The following SARS1 variants were observed in gnomAD, a reference collection of about 807,000 sequenced individuals.
SARS1 encodes serine--tRNA ligase, cytoplasmic.
In SARS1, 25 loss-of-function variants were observed where a neutral mutation model predicts 63.7. The observed-to-expected ratio is 0.39, with a 90% CI of 0.29 to 0.55. The LOEUF is 0.55. Among genes scored for constraint, SARS1 ranks in the 20% least tolerant of loss-of-function variants. The pLI, the probability that SARS1 is intolerant of heterozygous loss-of-function variation, is 0.62. For synonymous variants in SARS1, 231 were observed against 243.5 expected (o/e 0.95, Z 0.48); for missense variants, 417 against 649.7 (o/e 0.64, Z 3.89).
Position 109,231,739 on chromosome 1 carries a change from A to C in SARS1, c.700A>C (p.Met234Leu). Residue 234 changes from methionine (M) to leucine (L), a missense_variant, in exon 6 of 11, where the codon ATG becomes CTG. Physicochemically the swap from Met to Leu is conservative, Grantham distance 15 (BLOSUM62 2). This residue lies in a region of SARS1 where 359 missense variants were observed against 529.6 expected (regional missense o/e 0.68). Coordinates refer to ENST00000234677, the MANE Select transcript of SARS1 (RefSeq NM_006513.4). Reference sequence around the variant, plus strand: ...CCCCTTTTTCATGAGGAAGGAGGTCATGCAGGAGGTGGCACAGCTCAGCCA... The same window carrying C: ...CCCCTTTTTCATGAGGAAGGAGGTCCTGCAGGAGGTGGCACAGCTCAGCCA... ...YTPFFMRKEV[M>L]QEVAQLSQFD... 2.5e-6 allele frequency: 4 copies of C among 1,595,322 alleles called. No homozygotes were observed. Among genetic ancestry groups the C allele is most frequent in the Non-Finnish European group, 3.4e-6 (4 of 1,172,200 alleles).
intron 1 of SARS1, among the ~76,000 whole-genome samples, chr1:109,222,745 C>T (rs1025484938): frequency 2.6e-5 from 4 of 152,182 alleles, no homozygotes; most frequent in African/African-American, 9.7e-5. Context: ...TGCCATGGCT[C>T]ACACCTGTAA....
chr1:109,228,895 C>A (rs1655146324), intron 3 of SARS1, among the ~76,000 whole-genome samples: 1 of 152,126 alleles, frequency 6.6e-6, no homozygotes, highest in Non-Finnish European at 1.5e-5. Context: ...GGATTGGGGG[C>A]CTGAACCTGC....
At chr1:109,216,705 C>T in intron 1 of SARS1, 1 of 622,508 alleles carries the variant, frequency 1.6e-6, no homozygotes, top group Non-Finnish European at 2.0e-6. Flanking sequence ...ACTGCAGCCT[C>T]AATCTCCCCA....
rs1212749702 is a variant in SARS1, at chr1:109,235,461, A to T, written c.969+30A>T. Reference sequence around the variant, plus strand: ...GTAGATGGGTCAGGGTAAGGAGTGGAACTTTCTCTGTCTCCAGAATGGTTA... The same window carrying T: ...GTAGATGGGTCAGGGTAAGGAGTGGTACTTTCTCTGTCTCCAGAATGGTTA... On this transcript the variant is annotated intron_variant, in intron 7 of 10. Transcript: ENST00000234677. This position sits in a 1 kb window ranked among gnomAD's most constrained non-coding sequence, Gnocchi z 4.7. The T allele has an allele frequency of 6.5e-7, 1 of 1,549,166 alleles. No individual in the cohort carries two copies. The highest frequency in any genetic ancestry group is 8.9e-7 in the Non-Finnish European group (1 of 1,129,206).
chr1:109,230,811 A>C (rs1453690988), intron 4 of SARS1, 67 bp from the exon 5 acceptor site: 2 of 1,466,492 alleles, frequency 1.4e-6, no homozygotes, highest in African/African-American at 3.0e-5. Flanking sequence ...TCTCCAAAAA[A>C]AAAAAATAAT....
chr1:109,223,869 G>A (rs1557716014), intron 1 of SARS1, 109 bp from the exon 2 acceptor site: 16 of 778,742 alleles, frequency 2.1e-5, no homozygotes, highest in Non-Finnish European at 3.0e-5. Flanking sequence ...CAGCTCTGCC[G>A]GCATTTGGGC....
At chr1:109,224,519 T>A (rs1655024244) in intron 2 of SARS1, among the ~76,000 whole-genome samples, 1 of 152,196 alleles carries the variant, frequency 6.6e-6, no homozygotes, top group Non-Finnish European at 1.5e-5. Flanking sequence ...ATGGAATTGT[T>A]AGAACTTTTT....
At chr1:109,217,204 C>A in intron 1 of SARS1, 1 of 886,596 alleles carries the variant, frequency 1.1e-6, no homozygotes, top group Non-Finnish European at 1.4e-6. Context: ...CCAATAAATC[C>A]ACCATAAGTT....
intron 1 of SARS1, among the ~76,000 whole-genome samples, chr1:109,220,388 G>T (rs919529857): frequency 6.6e-6 from 1 of 152,204 alleles, no homozygotes; most frequent in African/African-American, 2.4e-5. Context: ...CTTGACATTG[G>T]CAGTCCTTTT....
At chr1:109,226,677 A>AATATATAT (rs1553177726) in intron 2 of SARS1, among the ~76,000 whole-genome samples, 40 of 44,952 alleles carry the variant, frequency 8.9e-4, no homozygotes, top group African/African-American at 2.6e-3. Flanking sequence ...AAAAAAAAAA[A>AATATATAT]ATATATATAT....
At chr1:109,221,931 G>T (rs1570755427) in intron 1 of SARS1, among the ~76,000 whole-genome samples, 1 of 134,126 alleles carries the variant, frequency 7.5e-6, no homozygotes, top group African/African-American at 2.8e-5. Context: ...GGGAGTACAG[G>T]CACACACCAC....
rs1032344712 is a variant in SARS1 at position 109,237,154 on chromosome 1, G to C, written c.1258-90G>C. 1 of 1,523,506 alleles carries C rather than the reference G, an allele frequency of 6.6e-7. No homozygotes were observed. Among genetic ancestry groups the C allele is most frequent in the South Asian group, 1.3e-5 (1 of 76,994 alleles). The allele number at this position is 1,523,506 out of a possible 1,614,324, so 94.4% of individuals were successfully genotyped here. ...TTTTGATTTGGACAGTTGTGGTTGGGGAAGTCTGGTTGAATGGATGGTTCC... is the reference window on the plus strand; with the variant it reads ...TTTTGATTTGGACAGTTGTGGTTGGCGAAGTCTGGTTGAATGGATGGTTCC... On this transcript the variant is annotated intron_variant, in intron 9 of 10. Coordinates refer to ENST00000234677, the MANE Select transcript of SARS1 (RefSeq NM_006513.4). This position sits in a 1 kb window ranked among gnomAD's most constrained non-coding sequence, Gnocchi z 4.1.
chr1:109,223,741 T>C (rs1655009046), intron 1 of SARS1, among the ~76,000 whole-genome samples: 1 of 152,196 alleles, frequency 6.6e-6, no homozygotes, highest in African/African-American at 2.4e-5. Context: ...GAGGCAGAAG[T>C]TGCAGTGAGC....
intron 1 of SARS1, chr1:109,216,759 C>T: frequency 2.2e-6 from 1 of 452,718 alleles, no homozygotes; most frequent in Non-Finnish European, 2.9e-6. Flanking sequence ...CTAGCTGAGA[C>T]TACAGGCGCA....
At position 109,236,111 on chromosome 1, in the gene SARS1, G is replaced by A. The variant is rs781087100; in HGVS notation, c.1099+5G>A. On this transcript the variant is annotated splice_donor_5th_base_variant and intron_variant, in intron 8 of 10. Coordinates refer to ENST00000234677, the MANE Select transcript of SARS1 (RefSeq NM_006513.4). The stretch of plus-strand genomic sequence containing the variant: ...ACATTGTGAATATTGTCTCAGGTAT[G>A]GGACCCAGCCTCTTCTCAGCCTCCC... 15 of 1,611,512 alleles carry A rather than the reference G, an allele frequency of 9.3e-6. No homozygotes were observed. The Admixed American group carries it at 2.5e-4, about 27-fold the overall frequency.
intron 6 of SARS1, among the ~76,000 whole-genome samples, chr1:109,232,090 GC>G (rs1409625317): frequency 6.6e-6 from 1 of 152,138 alleles, no homozygotes; most frequent in Admixed American, 6.5e-5. Flanking sequence ...AACACCATGA[GC>G]TTAGAAAAGA....
At chr1:109,216,109 C>G (rs749426405) in intron 1 of SARS1, 150 of 985,240 alleles carry the variant, frequency 1.5e-4, no homozygotes, top group Non-Finnish European at 1.7e-4. Flanking sequence ...TTCCCAAGTT[C>G]CCAACTGCCC....
intron 8 of SARS1, 135 bp from the exon 9 acceptor site, chr1:109,236,249 GAGTATTT>G (rs1341133804): frequency 7.0e-6 from 9 of 1,289,864 alleles, no homozygotes; most frequent in Middle Eastern, 1.9e-4. Flanking sequence ...TCTCACTTGG[GAGTATTT>G]GGTGTTAAGA....
chr1:109,236,475 G>C lies in SARS1; in HGVS notation c.1184G>C (p.Cys395Ser). ...GSGAFRELVS[C>S]SNCTDYQARR... is the part of the protein sequence containing the mutation. Reference sequence around the variant, plus strand: ...GGAGCCTTCCGTGAGTTGGTCTCCTGTTCTAATTGCACGGATTACCAGGCT... The same window carrying C: ...GGAGCCTTCCGTGAGTTGGTCTCCTCTTCTAATTGCACGGATTACCAGGCT... Residue 395 changes from cysteine (C) to serine (S), a missense_variant, in exon 9 of 11, where the codon TGT (cysteine) becomes TCT (serine). Cys to Ser is a moderately radical substitution (Grantham distance 112, BLOSUM62 -1). This residue lies in a region of SARS1 where 359 missense variants were observed against 529.6 expected (regional missense o/e 0.68). Transcript: ENST00000234677. 1 of 1,607,698 alleles carries C rather than the reference G, an allele frequency of 6.2e-7. No individual in the cohort carries two copies. The highest frequency in any genetic ancestry group is 8.5e-7 in the Non-Finnish European group (1 of 1,174,598).
Sources: allele counts gnomAD v4.1 joint callset (sites outside exome capture counted in the v4.1 genomes callset), GRCh38; gene constraint gnomAD v4.1.1; regional missense constraint gnomAD v4.1.1; non-coding constraint Gnocchi (gnomAD v3.1); transcripts MANE v1.5; gene names NCBI Gene and HGNC (gene_info 2026-07-23, HGNC 2026-07-21).